The following THADA variants were observed in gnomAD, a reference collection of about 807,000 sequenced individuals.
THADA encodes the protein THADA armadillo repeat containing.
A neutral mutation model predicts 219.8 loss-of-function variants in THADA; 213 were observed. The observed-to-expected ratio is 0.97, with a 90% CI of 0.87 to 1.09. The LOEUF is 1.09. THADA is among the 50% of genes least tolerant of loss of function. The probability of loss-of-function intolerance (pLI) is 0.00; values close to 1 mark genes in which losing one functional copy is unlikely to be tolerated. For synonymous variants in THADA, 1,018 were observed against 828.9 expected (o/e 1.23, Z -3.92); for missense variants, 2,956 against 2,311.3 (o/e 1.28, Z -5.72).
chr2:43,298,853 A>G (rs1222433194), intron 31 of THADA, among the ~76,000 whole-genome samples: 1 of 151,974 alleles, frequency 6.6e-6, no homozygotes, highest in Non-Finnish European at 1.5e-5. Flanking sequence ...TTCCTTTGGG[A>G]CTTCTTGACC....
chr2:43,250,139 G>T (rs1429277514), intron 36 of THADA, among the ~76,000 whole-genome samples: 3 of 152,120 alleles, frequency 2.0e-5, no homozygotes, highest in African/African-American at 7.2e-5. Flanking sequence ...CCAAGAGGTG[G>T]AAACAACACA....
At chr2:43,254,989 T>G (rs1001860073) in intron 36 of THADA, among the ~76,000 whole-genome samples, 1 of 152,146 alleles carries the variant, frequency 6.6e-6, no homozygotes, top group African/African-American at 2.4e-5. Context: ...CATAAAACAC[T>G]CCAAACTTCA....
intron 29 of THADA, among the ~76,000 whole-genome samples, chr2:43,393,838 A>C (rs1673703794): frequency 6.6e-6 from 1 of 152,246 alleles, no homozygotes; most frequent in South Asian, 2.1e-4. Flanking sequence ...CTCTTATTTC[A>C]AATGGTATAC....
chr2:43,441,607 T>C (rs1451469330), intron 26 of THADA, among the ~76,000 whole-genome samples: 1 of 152,178 alleles, frequency 6.6e-6, no homozygotes, highest in African/African-American at 2.4e-5. Context: ...TAGGCTGATA[T>C]CAACACCAGC....
chr2:43,528,647 T>A (rs1286568335), intron 21 of THADA, among the ~76,000 whole-genome samples: 2 of 152,212 alleles, frequency 1.3e-5, no homozygotes, highest in African/African-American at 4.8e-5. Context: ...ACACTAGAAC[T>A]GCCTTCCTAT....
At chr2:43,260,231 GC>G (rs1242255637) in intron 36 of THADA, among the ~76,000 whole-genome samples, 8 of 152,278 alleles carry the variant, frequency 5.3e-5, no homozygotes, top group Non-Finnish European at 8.8e-5. Flanking sequence ...ACCACACCTG[GC>G]CAAGAACAAT....
At position 43,520,711 on chromosome 2, in the gene THADA, T is replaced by C. The variant is rs532944919; in HGVS notation, c.3374+7168A>G. Among the ~76,000 whole-genome samples the C allele has an allele frequency of 2.4e-3, 312 of 131,444 alleles. 2 individuals are homozygous for C. The highest frequency in any genetic ancestry group is 0.012 in the Middle Eastern group (3 of 258). 86.2% of individuals were successfully genotyped at this position (131,444 alleles called of 152,430 possible). A position where few individuals can be genotyped will look rare whatever the true frequency, so the allele number is the denominator to read the frequency against. On this transcript the variant is annotated intron_variant, in intron 22 of 37. Transcript: ENST00000405975. ...TCTCAAATATTTATACGTATATATA[T>C]ATACACACACACACACACACACACA...
chr2:43,572,406 C>T (rs1277100677), intron 12 of THADA, among the ~76,000 whole-genome samples: 1 of 152,176 alleles, frequency 6.6e-6, no homozygotes, highest in Admixed American at 6.5e-5. Context: ...TCCTCCAGAC[C>T]TTGCTCATTT....
intron 9 of THADA, among the ~76,000 whole-genome samples, chr2:43,578,073 T>C (rs1208067174): frequency 2.0e-5 from 3 of 151,978 alleles, no homozygotes; most frequent in Admixed American, 2.0e-4. Flanking sequence ...TGTCTCTTAT[T>C]ATAACAGAAA....
chr2:43,241,489 A>G (rs1668614209), intron 36 of THADA, among the ~76,000 whole-genome samples: 1 of 149,726 alleles, frequency 6.7e-6, no homozygotes. Context: ...GAGTTGTGTC[A>G]GCTAAACTGT....
At chr2:43,500,970 CA>C (rs996692111) in intron 24 of THADA, among the ~76,000 whole-genome samples, 14 of 148,062 alleles carry the variant, frequency 9.5e-5, no homozygotes, top group Admixed American at 2.7e-4. Context: ...TTCATAATTG[CA>C]AAAAAAAAGA....
intron 36 of THADA, among the ~76,000 whole-genome samples, chr2:43,250,962 C>A (rs957333827): frequency 6.6e-6 from 1 of 151,984 alleles, no homozygotes; most frequent in African/African-American, 2.4e-5. Context: ...GGTGGACAGA[C>A]GAAGGTGAAC....
chr2:43,549,247 A>G lies in THADA; in HGVS notation c.3069T>C (p.Ala1023=). The G allele has an allele frequency of 6.3e-7, 1 of 1,589,970 alleles. No individual in the cohort carries two copies. Among genetic ancestry groups the G allele is most frequent in the South Asian group, 1.1e-5 (1 of 87,114 alleles). The stretch of plus-strand genomic sequence containing the variant: ...TAGAAGTATCAATATTCACCACACT[A>G]GCATTCAAGTCCTTCATATCAAAGC... ...HDSFDMKDLN[A]SVVNIDTSTE... The change falls in exon 20 of 38, where the codon GCT becomes GCC. Residue 1023 remains alanine (A), a synonymous_variant. Transcript: ENST00000405975.
At chr2:43,566,606 C>G in intron 15 of THADA, 92 bp downstream of exon 15, 1 of 1,401,262 alleles carries the variant, frequency 7.1e-7, no homozygotes, top group Middle Eastern at 1.8e-4. Context: ...AGAAAGGCAA[C>G]AAAACTGAAA....
At chr2:43,568,352 C>CT (rs1280241624) in intron 14 of THADA, among the ~76,000 whole-genome samples, 1 of 152,174 alleles carries the variant, frequency 6.6e-6, no homozygotes, top group African/African-American at 2.4e-5. Flanking sequence ...AGCACTTAGT[C>CT]TATTGATTGT....
In THADA at chr2:43,281,440, CTTTT is replaced by C. The variant is rs35111198; in HGVS notation, c.5165-1548_5165-1545del. 4.8e-4 allele frequency among the ~76,000 whole-genome samples: 51 copies of C among 106,814 alleles called. 1 individual carries two copies. The highest frequency in any genetic ancestry group is 3.2e-3 in the Admixed American group (34 of 10,714). 70.1% of individuals were successfully genotyped at this position (106,814 alleles called of 152,430 possible). On this transcript the variant is annotated intron_variant, in intron 35 of 37. Coordinates refer to ENST00000405975, the MANE Select transcript of THADA (RefSeq NM_022065.5). ...TGCCCTTGACTTTTCTCATGTACTTCTTTTTTTTTTTTTTTTTTGAGATGAAGTT... is the reference window on the plus strand; with the variant it reads ...TGCCCTTGACTTTTCTCATGTACTTCTTTTTTTTTTTTTTGAGATGAAGTT...
chr2:43,464,527 A>C (rs1573780501), intron 26 of THADA, among the ~76,000 whole-genome samples: 3 of 152,172 alleles, frequency 2.0e-5, no homozygotes, highest in East Asian at 3.8e-4. Context: ...TAAACTAATA[A>C]GTTTTGTTAA....
At chr2:43,351,684 G>A (rs954045146) in intron 29 of THADA, among the ~76,000 whole-genome samples, 3 of 152,100 alleles carry the variant, frequency 2.0e-5, no homozygotes, top group Non-Finnish European at 4.4e-5. Flanking sequence ...TCATTGATTC[G>A]GAATTCTACC....
Position 43,480,275 on chromosome 2 carries a change from C to T in THADA, c.3836+4959G>A, listed in dbSNP as rs17030897. On this transcript the variant is annotated intron_variant, in intron 26 of 37. Coordinates refer to ENST00000405975, the MANE Select transcript of THADA (RefSeq NM_022065.5). ...GCTAAGTTAGACATGTATAAAGGGT[C>T]TGGCATGGCCCACGCACTAAAGAAA... 6.8e-3 allele frequency among the ~76,000 whole-genome samples: 1,042 copies of T among 152,300 alleles called. 12 individuals carry two copies. Among genetic ancestry groups the T allele is most frequent in the African/African-American group, 0.022 (933 of 41,546 alleles).
Sources: gnomAD v4.1 joint callset for allele counts (sites outside exome capture counted in the v4.1 genomes callset) on GRCh38, gnomAD v4.1.1 for gene constraint, MANE v1.5 for transcripts, NCBI Gene and HGNC (gene_info 2026-07-23, HGNC 2026-07-21) for gene names.